Variants in MC2R observed in about 807,000 individuals in gnomAD.
MC2R encodes melanocortin 2 receptor.
Under a neutral mutation model 9.8 loss-of-function variants are expected in MC2R, and 9 were observed. That is an observed-to-expected ratio of 0.92 (90% confidence interval 0.55 to 1.60). MC2R has a LOEUF of 1.60. Ranked by LOEUF, MC2R falls within the 40% of genes most tolerant of loss-of-function variation. The pLI is 0.00. For synonymous variants in MC2R, 185 were observed against 154.7 expected, an observed-to-expected ratio of 1.20 and a Z score of -1.45; for missense variants, 370 against 389.0, an observed-to-expected ratio of 0.95 and a Z score of 0.41.
Position 13,894,819 on chromosome 18 carries a change from CCT to C in MC2R, c.-128-9175_-128-9174del, listed in dbSNP as rs1286545613. ...CTCCCTCTGAACTTTTCGAATCTTTCCTCTGTCTAAATCATATATTTGTTTAA... is the reference window on the plus strand; with the variant it reads ...CTCCCTCTGAACTTTTCGAATCTTTCCTGTCTAAATCATATATTTGTTTAA... On this transcript the variant is annotated intron_variant, in intron 1 of 1. Transcript: ENST00000327606. 6.9e-4 allele frequency among the ~76,000 whole-genome samples: 105 copies of C among 152,278 alleles called. 1 individual carries two copies. Among genetic ancestry groups the C allele is most frequent in the African/African-American group, 2.2e-3 (91 of 41,564 alleles).
At chr18:13,886,546 T>C (rs2045277345) in intron 1 of MC2R, among the ~76,000 whole-genome samples, 1 of 152,192 alleles carries the variant, frequency 6.6e-6, no homozygotes, top group African/African-American at 2.4e-5. Context: ...CCATTCCTTC[T>C]CACTGCTCGT....
intron 1 of MC2R, among the ~76,000 whole-genome samples, chr18:13,907,076 C>A (rs2045418394): frequency 6.6e-6 from 1 of 152,046 alleles, no homozygotes; most frequent in Non-Finnish European, 1.5e-5. Context: ...CAGTCTGGAG[C>A]AAAAAGAGCA....
intron 1 of MC2R, among the ~76,000 whole-genome samples, chr18:13,895,820 G>A (rs2045342845): frequency 6.6e-6 from 1 of 152,148 alleles, no homozygotes; most frequent in Non-Finnish European, 1.5e-5. Flanking sequence ...AATTCTGTGA[G>A]AAGGTGGAGG....
intron 1 of MC2R, among the ~76,000 whole-genome samples, chr18:13,901,218 C>G (rs1301808930): frequency 2.0e-5 from 3 of 151,690 alleles, no homozygotes; most frequent in Admixed American, 1.3e-4. Context: ...ACAACATACC[C>G]AAACCTATGG....
chr18:13,908,602 T>C (rs2045427038), intron 1 of MC2R, among the ~76,000 whole-genome samples: 1 of 152,174 alleles, frequency 6.6e-6, no homozygotes, highest in African/African-American at 2.4e-5. Flanking sequence ...ACAAATTATA[T>C]GAATGTATCA....
intron 1 of MC2R, among the ~76,000 whole-genome samples, chr18:13,887,623 C>G (rs1432650008): frequency 2.0e-5 from 3 of 152,280 alleles, no homozygotes; most frequent in African/African-American, 7.2e-5. Context: ...CTGAGTAAAA[C>G]AGAGGCCCTC....
At chr18:13,913,860 CT>C (rs1478943071) in intron 1 of MC2R, among the ~76,000 whole-genome samples, 2 of 152,192 alleles carry the variant, frequency 1.3e-5, no homozygotes, top group African/African-American at 4.8e-5. Flanking sequence ...GCAGATGGAT[CT>C]GAGTTCCTTA....
intron 1 of MC2R, among the ~76,000 whole-genome samples, chr18:13,909,373 C>T (rs187750245): frequency 2.6e-5 from 4 of 152,184 alleles, no homozygotes; most frequent in East Asian, 1.9e-4. Flanking sequence ...TCATGCTTGC[C>T]GGGTTTCCCC....
At chr18:13,888,730 C>T (rs2045294084) in intron 1 of MC2R, among the ~76,000 whole-genome samples, 2 of 152,228 alleles carry the variant, frequency 1.3e-5, no homozygotes, top group Admixed American at 6.5e-5. Context: ...TGCTATGCTC[C>T]TGTTGTTCCT....
intron 1 of MC2R, among the ~76,000 whole-genome samples, chr18:13,904,380 CAAAAAA>C (rs56308792): frequency 1.1e-5 from 1 of 94,992 alleles, no homozygotes. Flanking sequence ...GACCCCGTCT[CAAAAAA>C]AAAAAAAAAA....
rs78087176 is a variant in MC2R, at chr18:13,910,885, T to C, written c.-129+4603A>G. Among the ~76,000 whole-genome samples, 1,521 of 152,318 alleles carry C rather than the reference T, an allele frequency of 1.0e-2. 23 individuals are homozygous for C. The highest frequency in any genetic ancestry group is 0.035 in the African/African-American group (1,450 of 41,572). ...GCTGGCAGATGCCCCTGTGTCCCAG[T>C]GTCTCTCCTACAAAACCAACACCAG... On this transcript the variant is annotated intron_variant, in intron 1 of 1. Transcript: ENST00000327606.
intron 1 of MC2R, among the ~76,000 whole-genome samples, chr18:13,912,273 T>G (rs1047292714): frequency 6.6e-6 from 1 of 152,160 alleles, no homozygotes; most frequent in Non-Finnish European, 1.5e-5. Flanking sequence ...AGGGTAGGTG[T>G]TCCTATTTCC....
intron 1 of MC2R, among the ~76,000 whole-genome samples, chr18:13,898,981 T>C (rs193224067): frequency 3.1e-4 from 47 of 152,316 alleles, no homozygotes; most frequent in Middle Eastern, 6.8e-3. Flanking sequence ...TCAACTAGCA[T>C]TGCCATCATC....
chr18:13,892,621 C>T (rs1299462917), intron 1 of MC2R, among the ~76,000 whole-genome samples: 1 of 145,792 alleles, frequency 6.9e-6, no homozygotes, highest in Admixed American at 6.8e-5. Flanking sequence ...ATAAAAGTGA[C>T]AATAAATGAA....
At chr18:13,886,491 C>T (rs374281107) in intron 1 of MC2R, among the ~76,000 whole-genome samples, 2 of 152,190 alleles carry the variant, frequency 1.3e-5, no homozygotes, top group African/African-American at 4.8e-5. Context: ...CCTTCTCTGA[C>T]TGGGAGGCGG....
In MC2R at chr18:13,882,319, G is replaced by GT. The variant is rs1201088387; in HGVS notation, c.*2305dup. On this transcript the variant is annotated 3_prime_UTR_variant, in exon 2 of 2. Coordinates refer to ENST00000327606, the MANE Select transcript of MC2R (RefSeq NM_000529.2). ...TGAAGTTAGAGGTAGAAAAACGTGAGTTTTCTCAGTAACTATGAGCCCTGA... is the reference window on the plus strand; with the variant it reads ...TGAAGTTAGAGGTAGAAAAACGTGAGTTTTTCTCAGTAACTATGAGCCCTGA... 6.6e-6 allele frequency: 1 copy of GT among 152,214 alleles called. No homozygotes were observed. The highest frequency in any genetic ancestry group is 1.5e-5 in the Non-Finnish European group (1 of 68,036). The allele number at this position is 152,214 out of a possible 1,614,324, so 9.4% of individuals were successfully genotyped here.
intron 1 of MC2R, among the ~76,000 whole-genome samples, chr18:13,914,598 TTGCA>T (rs767415878): frequency 6.6e-6 from 1 of 152,178 alleles, no homozygotes; most frequent in South Asian, 2.1e-4. Flanking sequence ...TTTGGACTTT[TTGCA>T]TGCATGTATG....
intron 1 of MC2R, among the ~76,000 whole-genome samples, chr18:13,900,128 G>C (rs942520246): frequency 2.0e-5 from 3 of 152,064 alleles, no homozygotes; most frequent in Non-Finnish European, 2.9e-5. Flanking sequence ...TTAAGGTGTC[G>C]AGTTTTTGTT....
chr18:13,905,913 G>T (rs2045411252), intron 1 of MC2R, among the ~76,000 whole-genome samples: 1 of 152,062 alleles, frequency 6.6e-6, no homozygotes, highest in African/African-American at 2.4e-5. Flanking sequence ...AAAATTAGCT[G>T]GGCATGATGA....
Sources: gnomAD v4.1 joint callset for allele counts (sites outside exome capture counted in the v4.1 genomes callset) on GRCh38, gnomAD v4.1.1 for gene constraint, MANE v1.5 for transcripts, NCBI Gene and HGNC (gene_info 2026-07-23, HGNC 2026-07-21) for gene names.